Variants in INPP5K observed in about 807,000 individuals in gnomAD.
The protein encoded by INPP5K is inositol polyphosphate 5-phosphatase K.
In INPP5K, 35 loss-of-function variants were observed where a neutral mutation model predicts 53.5. That is an observed-to-expected ratio of 0.65 (90% CI 0.50 to 0.87). INPP5K has a LOEUF of 0.87. INPP5K is among the 40% of genes least tolerant of loss of function. INPP5K has a pLI of 0.00. For synonymous variants in INPP5K, 253 were observed against 232.8 expected, an observed-to-expected ratio of 1.09 and a Z score of -0.79; for missense variants, 550 against 586.2, an observed-to-expected ratio of 0.94 and a Z score of 0.64.
chr17:1,505,421 T>G (rs540155855), intron 7 of INPP5K, among the ~76,000 whole-genome samples: 5 of 152,176 alleles, frequency 3.3e-5, no homozygotes, highest in Admixed American at 1.3e-4. Context: ...GGACTCTTGT[T>G]TCCAATGGAT....
At position 1,497,747 on chromosome 17, in the gene INPP5K, T is replaced by G. The variant is rs1055130161; in HGVS notation, c.963+189A>C. ...TTTTCACAAAGGGTTTGAACACGGTTTTGACAGACAGAGCCATCAACGGCT... is the reference window on the plus strand; with the variant it reads ...TTTTCACAAAGGGTTTGAACACGGTGTTGACAGACAGAGCCATCAACGGCT... On this transcript the variant is annotated intron_variant, in intron 8 of 11. Transcript: ENST00000421807. The G allele has an allele frequency of 2.3e-5, 13 of 576,578 alleles. No homozygotes were observed. In the African/African-American group the frequency reaches 2.4e-4, roughly 11 times the overall value. 35.7% of individuals were successfully genotyped at this position (576,578 alleles called of 1,614,324 possible). A position where few individuals can be genotyped will look rare whatever the true frequency, so the allele number is the denominator to read the frequency against.
Position 1,502,303 on chromosome 17 carries a change from C to T in INPP5K, c.777-4181G>A, listed in dbSNP as rs900629006. ...GACAGAGCTTGTAGTGAGTGGAGAT[C>T]GCGCCACTGCACTCCAGCCTGGGCG... On this transcript the variant is annotated intron_variant, in intron 7 of 11. Coordinates refer to ENST00000421807, the MANE Select transcript of INPP5K (RefSeq NM_016532.4). Among the ~76,000 whole-genome samples, 49 of 152,108 alleles carry T rather than the reference C, an allele frequency of 3.2e-4. 1 individual carries two copies. Among genetic ancestry groups the T allele is most frequent in the Admixed American group, 2.2e-3 (34 of 15,302 alleles).
At position 1,497,888 on chromosome 17, in the gene INPP5K, C is replaced by T. The variant is rs770956373; in HGVS notation, c.963+48G>A. 3 of 1,519,514 alleles carry T rather than the reference C, an allele frequency of 2.0e-6. No homozygotes were observed. The Admixed American group carries it at 5.1e-5, about 26-fold the overall frequency. The allele number at this position is 1,519,514 out of a possible 1,614,324, so 94.1% of individuals were successfully genotyped here. A position where few individuals can be genotyped will look rare whatever the true frequency, so the allele number is the denominator to read the frequency against. On this transcript the variant is annotated intron_variant, in intron 8 of 11. Transcript: ENST00000421807. ...AGGGATGGAGGGCTTGGGGATGTGG[C>T]CAGCATAGCTATTCCTCTGGCAAGT...
intron 4 of INPP5K, among the ~76,000 whole-genome samples, 164 bp from the exon 5 acceptor site, chr17:1,509,517 G>C (rs1039508315): frequency 6.6e-6 from 1 of 152,092 alleles, no homozygotes; most frequent in African/African-American, 2.4e-5. Context: ...AGCCCAGCTC[G>C]CCTCGCCTGG....
Position 1,516,385 on chromosome 17 carries a change from C to T in INPP5K, c.44+71G>A, listed in dbSNP as rs914597852. The T allele has an allele frequency of 2.7e-5, 40 of 1,482,764 alleles. No individual in the cohort carries two copies. The African/African-American group carries it at 4.9e-4, about 18-fold the overall frequency. 91.9% of individuals were successfully genotyped at this position (1,482,764 alleles called of 1,614,324 possible). A position where few individuals can be genotyped will look rare whatever the true frequency, so the allele number is the denominator to read the frequency against. On this transcript the variant is annotated intron_variant, in intron 1 of 11. Transcript: ENST00000421807. ...TCATGGAGGTCTGGTGCCTTGTCCA[C>T]CCCCAGCCCGCAGCCCAAGGGGCGC...
chr17:1,497,839 G>A (rs1236163860), intron 8 of INPP5K, 97 bp downstream of exon 8: 1 of 1,132,914 alleles, frequency 8.8e-7, no homozygotes, highest in African/African-American at 1.5e-5. Flanking sequence ...GTCTCCCCTG[G>A]GGGACTGGCT....
rs1178884253 is a variant in INPP5K, at chr17:1,495,884, A to C, written c.1291-5T>G. On this transcript the variant is annotated splice_polypyrimidine_tract_variant and splice_region_variant and intron_variant, in intron 11 of 11. Transcript: ENST00000421807. Reference sequence around the variant, plus strand: ...CCTCAAGGAGCCAGGCGGGATCTGCAGGGATAAAGCAGGTGGTGGAAATGG... The same window carrying C: ...CCTCAAGGAGCCAGGCGGGATCTGCCGGGATAAAGCAGGTGGTGGAAATGG... 1 of 1,611,194 alleles carries C rather than the reference A, an allele frequency of 6.2e-7. No individual in the cohort carries two copies. Among genetic ancestry groups the C allele is most frequent in the African/African-American group, 1.3e-5 (1 of 74,874 alleles).
intron 1 of INPP5K, chr17:1,515,646 T>G: frequency 1.0e-6 from 1 of 956,098 alleles, no homozygotes; most frequent in Non-Finnish European, 1.2e-6. Context: ...AAAACATCTC[T>G]CCTCCAACAG....
intron 7 of INPP5K, among the ~76,000 whole-genome samples, chr17:1,503,185 CT>C (rs748921781): frequency 0.08 from 10,887 of 135,466 alleles, 398 homozygotes; most frequent in African/African-American, 0.13. Context: ...CACGCCTGGC[CT>C]TTTTTTTTTT....
intron 7 of INPP5K, 140 bp from the exon 8 acceptor site, chr17:1,498,262 C>A: frequency 1.5e-6 from 1 of 675,424 alleles, no homozygotes; most frequent in Non-Finnish European, 2.5e-6. Context: ...GGGCCAGAGC[C>A]GGAGGGAGCA....
rs2074813680 is a variant in INPP5K, at chr17:1,495,752, A to C, written c.*71T>G. On this transcript the variant is annotated 3_prime_UTR_variant, in exon 12 of 12. Transcript: ENST00000421807. ...CAGGGGGCCAGGCTGGGCCCCCAGC[A>C]CTCCCGGCAGTGGAAAGGCAGAGCT... 2 of 1,151,572 alleles carry C rather than the reference A, an allele frequency of 1.7e-6. No individual in the cohort carries two copies. Among genetic ancestry groups the C allele is most frequent in the African/African-American group, 3.1e-5 (2 of 65,196 alleles). The allele number at this position is 1,151,572 out of a possible 1,614,324, so 71.3% of individuals were successfully genotyped here.
intron 9 of INPP5K, 83 bp downstream of exon 9, chr17:1,496,583 C>A: frequency 1.3e-6 from 2 of 1,560,460 alleles, no homozygotes; most frequent in South Asian, 1.1e-5. Context: ...AGTTCGTCAG[C>A]ATCTGCCCAG....
intron 7 of INPP5K, 192 bp from the exon 8 acceptor site, chr17:1,498,314 C>A (rs553391068): frequency 3.1e-4 from 154 of 489,508 alleles, no homozygotes; most frequent in South Asian, 1.1e-4. Context: ...CCAAAGTATG[C>A]CAGCACTTGT....
intron 7 of INPP5K, among the ~76,000 whole-genome samples, chr17:1,504,469 C>A (rs1434100050): frequency 6.6e-6 from 1 of 152,238 alleles, no homozygotes; most frequent in African/African-American, 2.4e-5. Context: ...GGATCCTGGC[C>A]CCAGCCAGGA....
At chr17:1,515,439 T>A (rs1381003642) in intron 1 of INPP5K, 13 of 985,416 alleles carry the variant, frequency 1.3e-5, no homozygotes, top group Non-Finnish European at 1.6e-5. Flanking sequence ...ATGTCTTTAG[T>A]GGAACAGTCA....
At position 1,509,165 on chromosome 17, in the gene INPP5K, G is replaced by A; in HGVS notation, c.554+13C>T. On this transcript the variant is annotated intron_variant, in intron 5 of 11. Transcript: ENST00000421807. ...GCAGAGGGCGGGGAACGGTCTGCCA[G>A]ACCCAGGCTCACTCGTGGTCCAGGA... 1 of 1,608,184 alleles carries A rather than the reference G, an allele frequency of 6.2e-7. No individual in the cohort carries two copies.
intron 7 of INPP5K, 132 bp downstream of exon 7, chr17:1,506,848 G>T (rs1286298656): frequency 1.9e-5 from 12 of 632,830 alleles, no homozygotes; most frequent in Non-Finnish European, 3.1e-5. Context: ...GACAGGAGGT[G>T]CCACTCTGGA....
rs61729422 is a variant in INPP5K at position 1,496,328 on chromosome 17, G to A, written c.1176C>T (p.Asn392=). 1.1e-3 allele frequency: 1,793 copies of A among 1,561,010 alleles called. 19 individuals are homozygous for A. The African/African-American group carries it at 0.021, about 18-fold the overall frequency. ...GGTGCTGGTGACGTACCTGGTTCAGGTTGTCGCTGCAGGAGACCTTGCTGT... is the reference window on the plus strand; with the variant it reads ...GGTGCTGGTGACGTACCTGGTTCAGATTGTCGCTGCAGGAGACCTTGCTGT... ...VGDSKVSCSD[N]LNQVYIDISN... is the part of the protein sequence containing the mutation. The change falls in exon 10 of 12, where the codon AAC becomes AAT. Residue 392 remains asparagine, a synonymous_variant. Transcript: ENST00000421807.
chr17:1,515,379 C>T, intron 1 of INPP5K: 1 of 963,382 alleles, frequency 1.0e-6, no homozygotes, highest in Admixed American at 6.1e-5. Context: ...AGATAAGGGG[C>T]CTCAATGACA....
Sources: gnomAD v4.1 joint callset for allele counts (sites outside exome capture counted in the v4.1 genomes callset) on GRCh38, gnomAD v4.1.1 for gene constraint, MANE v1.5 for transcripts, NCBI Gene and HGNC (gene_info 2026-07-23, HGNC 2026-07-21) for gene names.